SPATA25: variants seen among roughly 807,000 people sequenced by gnomAD.
SPATA25 encodes the protein spermatogenesis associated 25, also known as spermatogenesis-associated protein 25.
In SPATA25, 16 loss-of-function variants were observed where a neutral mutation model predicts 16.0. That is an observed-to-expected ratio of 1.00 (90% CI 0.68 to 1.52). The LOEUF (loss-of-function observed/expected upper bound fraction) is 1.52. SPATA25 is among the 40% of genes most tolerant of loss of function. The probability of loss-of-function intolerance (pLI) is 0.00; values close to 1 mark genes in which losing one functional copy is unlikely to be tolerated. For synonymous variants in SPATA25, 115 were observed against 118.5 expected (o/e 0.97, Z 0.19); for missense variants, 285 against 289.2 (o/e 0.99, Z 0.11).
At chr20:45,888,889 T>C (rs983566342), upstream of SPATA25, 8 of 1,613,892 alleles carry the variant, frequency 5.0e-6, no homozygotes, top group East Asian at 6.7e-5. Flanking sequence ...GGAAGAAGAC[T>C]GTGAAAGGCA....
upstream of SPATA25, chr20:45,890,299 G>A (rs766490144): frequency 1.2e-6 from 2 of 1,613,492 alleles, no homozygotes; most frequent in African/African-American, 2.7e-5. Flanking sequence ...AAGCAAACAC[G>A]TCCACCACCG....
At position 45,886,613 on chromosome 20, in the gene SPATA25, C is replaced by G; in HGVS notation, c.588G>C (p.Glu196Asp). The stretch of plus-strand genomic sequence containing the variant: ...CATGTGCCTGCTCCCACCGCGCCCC[C>G]TCCACAGCACCCTCTGGCTCCGGAT... ...MAHPEPEGAVEGARWEQAHAH... is the reference protein window; with the variant it reads ...MAHPEPEGAVDGARWEQAHAH... The change falls in exon 2 of 2, where the codon GAG becomes GAC. Residue 196 changes from glutamate (E) to aspartate (D), a missense_variant. Glu to Asp is a conservative substitution (Grantham distance 45, BLOSUM62 2). Transcript: ENST00000372519. 1 of 1,614,044 alleles carries G rather than the reference C, an allele frequency of 6.2e-7. No homozygotes were observed. Among genetic ancestry groups the G allele is most frequent in the South Asian group, 1.1e-5 (1 of 91,084 alleles).
upstream of SPATA25, among the ~76,000 whole-genome samples, chr20:45,889,577 A>AGCTT (rs556568251): frequency 3.3e-5 from 5 of 150,308 alleles, no homozygotes; most frequent in South Asian, 2.1e-4. Flanking sequence ...TGAGCTAGCT[A>AGCTT]GCTTGCTTGC....
chr20:45,886,999 G>T lies in SPATA25; in HGVS notation c.202C>A (p.Pro68Thr). 1 of 1,613,628 alleles carries T rather than the reference G, an allele frequency of 6.2e-7. No individual in the cohort carries two copies. Residue 68 changes from proline to threonine, a missense_variant, in exon 2 of 2, where the codon CCA (proline) becomes ACA (threonine). Transcript: ENST00000372519. ...CCCCCAGGGCAGCCCCTGGCTTGTG[G>T]CATTGCCAGGGCTGGGCCCCAGGCC... ...AQAWGPALAM[P>T]QARGCPGGTS... is the part of the protein sequence containing the mutation.
chr20:45,890,807 G>A (rs775665320), upstream of SPATA25: 25 of 1,592,264 alleles, frequency 1.6e-5, no homozygotes, highest in South Asian at 2.2e-4. Context: ...GACCTGGCCC[G>A]GGGCCAGCGG....
chr20:45,890,420 C>G, upstream of SPATA25: 1 of 1,611,404 alleles, frequency 6.2e-7, no homozygotes, highest in Non-Finnish European at 8.5e-7. Context: ...AAAGAGGACA[C>G]CCAGGCGGCT....
Position 45,886,656 on chromosome 20 carries a change from T to C in SPATA25, c.545A>G (p.Gln182Arg). The stretch of plus-strand genomic sequence containing the variant: ...CTCCGGATGGGCCATCATGAAAGCT[T>C]GAGCGGCCCAGATCAGGTCCTCTTC... ...VREEDLIWAA[Q>R]AFMMAHPEPE... Residue 182 changes from glutamine (Q) to arginine (R), a missense_variant, in exon 2 of 2, where the codon CAA becomes CGA. Coordinates refer to ENST00000372519, the MANE Select transcript of SPATA25 (RefSeq NM_080608.4). 6.2e-7 allele frequency: 1 copy of C among 1,614,112 alleles called. No individual in the cohort carries two copies. Among genetic ancestry groups the C allele is most frequent in the Non-Finnish European group, 8.5e-7 (1 of 1,180,038 alleles).
chr20:45,888,331 A>T (rs1986559151), upstream of SPATA25, among the ~76,000 whole-genome samples: 1 of 152,160 alleles, frequency 6.6e-6, no homozygotes, highest in South Asian at 2.1e-4. Flanking sequence ...TCCTCAAGTG[A>T]TTATAATATA....
upstream of SPATA25, among the ~76,000 whole-genome samples, chr20:45,889,908 C>T (rs948755867): frequency 5.3e-5 from 8 of 152,178 alleles, no homozygotes; most frequent in African/African-American, 1.9e-4. Context: ...GCCACTGTGC[C>T]CGGCCAAGCA....
At chr20:45,890,307 C>T (rs1986700117), upstream of SPATA25, 3 of 1,613,364 alleles carry the variant, frequency 1.9e-6, no homozygotes, top group Non-Finnish European at 2.5e-6. Flanking sequence ...ACGTCCACCA[C>T]CGCGTAGAGG....
upstream of SPATA25, chr20:45,890,792 A>T: frequency 6.2e-7 from 1 of 1,603,396 alleles, no homozygotes; most frequent in East Asian, 2.2e-5. Context: ...GATCTCGACC[A>T]GGAAGACCTG....
chr20:45,889,014 T>C (rs1986600868), upstream of SPATA25: 2 of 898,710 alleles, frequency 2.2e-6, no homozygotes, highest in Non-Finnish European at 3.4e-6. Flanking sequence ...GCCTGCTTCA[T>C]GGGGCTGAGA....
upstream of SPATA25, chr20:45,890,508 G>C: frequency 6.3e-7 from 1 of 1,599,050 alleles, no homozygotes; most frequent in Non-Finnish European, 8.5e-7. Context: ...GGCCGGCTGC[G>C]GCCCACCAGG....
rs776042384 is a variant in SPATA25 at position 45,886,878 on chromosome 20, T to A, written c.323A>T (p.Tyr108Phe). The change falls in exon 2 of 2, where the codon TAC becomes TTC. Residue 108 changes from tyrosine (Y) to phenylalanine (F), a missense_variant. Coordinates refer to ENST00000372519, the MANE Select transcript of SPATA25 (RefSeq NM_080608.4). ...QLESLGWDNG[Y>F]SRSRAPDLGG... ...CAGGTCAGGGGCTCTGCTTCTGGAG[T>A]AGCCATTGTCCCAGCCCAAGCTCTC... The A allele has an allele frequency of 1.2e-5, 19 of 1,613,862 alleles. 1 individual carries two copies. In the African/African-American group the frequency reaches 2.5e-4, roughly 22 times the overall value.
At chr20:45,888,218 A>T (rs1258836435), upstream of SPATA25, among the ~76,000 whole-genome samples, 2 of 152,114 alleles carry the variant, frequency 1.3e-5, no homozygotes, top group African/African-American at 4.8e-5. Context: ...GGGTTTCACC[A>T]TGTTGGCCAG....
chr20:45,890,721 C>G (rs1986750648), upstream of SPATA25: 1 of 1,613,390 alleles, frequency 6.2e-7, no homozygotes, highest in African/African-American at 1.3e-5. Flanking sequence ...GCCAGACTGG[C>G]GGGGTCCAGC....
Position 45,886,705 on chromosome 20 carries a change from T to C in SPATA25, c.496A>G (p.Thr166Ala). 2 of 1,614,054 alleles carry C rather than the reference T, an allele frequency of 1.2e-6. No individual in the cohort carries two copies. Among genetic ancestry groups the C allele is most frequent in the Non-Finnish European group, 1.7e-6 (2 of 1,180,016 alleles). ...TLAMMIAGIP[T>A]VPVPGVREED... ...TCCCGAACTCCTGGGACGGGCACGG[T>C]GGGGATGCCAGCGATCATCATGGCG... The change falls in exon 2 of 2, where the codon ACC (threonine) becomes GCC (alanine). Residue 166 changes from threonine to alanine, a missense_variant. Physicochemically the swap from Thr to Ala is moderately conservative, Grantham distance 58. Transcript: ENST00000372519.
chr20:45,888,189 T>G (rs567996452), upstream of SPATA25, among the ~76,000 whole-genome samples: 51 of 152,246 alleles, frequency 3.3e-4, no homozygotes, highest in African/African-American at 1.1e-3. Flanking sequence ...GGCTAACTTT[T>G]GTATTTTTAG....
chr20:45,890,157 G>T, upstream of SPATA25: 1 of 1,402,292 alleles, frequency 7.1e-7, no homozygotes, highest in Non-Finnish European at 1.0e-6. Context: ...ACTAGTGCCG[G>T]ACAGACGAAG....
Sources: gnomAD v4.1 joint callset for allele counts (sites outside exome capture counted in the v4.1 genomes callset) on GRCh38, gnomAD v4.1.1 for gene constraint, MANE v1.5 for transcripts, NCBI Gene and HGNC (gene_info 2026-07-23, HGNC 2026-07-21) for gene names.